The following IQCM variants were observed in gnomAD, a reference collection of about 807,000 sequenced individuals.
The protein encoded by IQCM is IQ domain-containing protein M.
IQCM carries 45 observed loss-of-function variants against 57.6 expected under a neutral mutation model. The observed-to-expected ratio is 0.78, with a 90% CI of 0.62 to 1.00. IQCM has a LOEUF of 1.00. Ranked by LOEUF, IQCM falls within the 50% of genes least tolerant of loss-of-function variation. IQCM has a pLI of 0.00. For synonymous variants in IQCM, 148 were observed against 158.9 expected (o/e 0.93, Z 0.51); for missense variants, 468 against 511.6 (o/e 0.91, Z 0.82).
At chr4:149,759,290 C>A (rs939666431) in intron 2 of IQCM, among the ~76,000 whole-genome samples, 5 of 152,084 alleles carry the variant, frequency 3.3e-5, no homozygotes, top group Non-Finnish European at 4.4e-5. Flanking sequence ...TAGAGCACAG[C>A]GGATTTTTAG....
At chr4:149,437,528 T>C (rs1735485059) in intron 12 of IQCM, among the ~76,000 whole-genome samples, 1 of 152,026 alleles carries the variant, frequency 6.6e-6, no homozygotes, top group East Asian at 1.9e-4. Flanking sequence ...TTATGCTTAA[T>C]ATTCAGGGTG....
rs73857754 is a variant in IQCM at position 149,760,049 on chromosome 4, G to A, written c.-48-17310C>T. On this transcript the variant is annotated intron_variant, in intron 2 of 13. Coordinates refer to ENST00000636793, the MANE Select transcript of IQCM (RefSeq NM_001363507.2). ...AAGGGAAGGGAAGGGAAGGAGGGAG[G>A]GACGGAGGAATATTAGGAAAAATGG... Among the ~76,000 whole-genome samples the A allele has an allele frequency of 9.3e-3, 1,382 of 148,296 alleles. 11 individuals are homozygous for A. Among genetic ancestry groups the A allele is most frequent in the African/African-American group, 0.031 (1,266 of 41,056 alleles).
Position 149,553,132 on chromosome 4 carries a change from G to A in IQCM, c.1093+11C>T, listed in dbSNP as rs570370214. On this transcript the variant is annotated intron_variant, in intron 11 of 13. Transcript: ENST00000636793. The stretch of plus-strand genomic sequence containing the variant: ...ACTTAAATTCAAACCAGAAGTGTCT[G>A]CATCACTTACATTTTTTTCGGTCCA... 22 of 1,231,342 alleles carry A rather than the reference G, an allele frequency of 1.8e-5. No individual in the cohort carries two copies. In the African/African-American group the frequency reaches 2.2e-4, roughly 12 times the overall value. 76.3% of individuals were successfully genotyped at this position (1,231,342 alleles called of 1,614,324 possible).
chr4:149,670,999 A>T (rs1761222673), intron 7 of IQCM, among the ~76,000 whole-genome samples: 1 of 150,578 alleles, frequency 6.6e-6, no homozygotes, highest in African/African-American at 2.4e-5. Flanking sequence ...TGCTGGCCTC[A>T]TAAAATGAGC....
chr4:149,565,620 T>A (rs900639785), intron 9 of IQCM, among the ~76,000 whole-genome samples: 6 of 152,190 alleles, frequency 3.9e-5, no homozygotes, highest in African/African-American at 4.8e-5. Flanking sequence ...TAAGAAATTT[T>A]CATAAGAAGA....
At chr4:149,774,378 C>G (rs1182359474) in intron 2 of IQCM, among the ~76,000 whole-genome samples, 1 of 152,106 alleles carries the variant, frequency 6.6e-6, no homozygotes, top group African/African-American at 2.4e-5. Flanking sequence ...AAACCTACAG[C>G]AGCAACATGC....
At chr4:149,539,119 A>G (rs1747594262) in intron 12 of IQCM, among the ~76,000 whole-genome samples, 6 of 152,190 alleles carry the variant, frequency 3.9e-5, no homozygotes, top group Admixed American at 3.9e-4. Flanking sequence ...TCTTCATAGT[A>G]ACATTATTCA....
chr4:149,586,889 C>A (rs1309981719), intron 9 of IQCM, among the ~76,000 whole-genome samples: 1 of 151,600 alleles, frequency 6.6e-6, no homozygotes, highest in Admixed American at 6.6e-5. Context: ...AGAGAAAAAT[C>A]TTTTTTTCTT....
intron 2 of IQCM, among the ~76,000 whole-genome samples, chr4:149,778,886 A>G (rs1190004333): frequency 6.6e-6 from 1 of 152,144 alleles, no homozygotes; most frequent in African/African-American, 2.4e-5. Context: ...CCAGACCTAG[A>G]CGGTTTCACT....
intron 5 of IQCM, among the ~76,000 whole-genome samples, chr4:149,714,596 T>A (rs545192909): frequency 6.6e-6 from 1 of 152,284 alleles, no homozygotes; most frequent in South Asian, 2.1e-4. Flanking sequence ...TAGTACCAAA[T>A]CCTATATGTA....
chr4:149,661,687 T>C (rs1760228063), intron 7 of IQCM, among the ~76,000 whole-genome samples: 1 of 152,162 alleles, frequency 6.6e-6, no homozygotes, highest in African/African-American at 2.4e-5. Flanking sequence ...TGGTAGGTTG[T>C]AAATGTCTAG....
chr4:149,460,631 T>C (rs1738171143), intron 12 of IQCM, among the ~76,000 whole-genome samples: 1 of 151,854 alleles, frequency 6.6e-6, no homozygotes, highest in African/African-American at 2.4e-5. Flanking sequence ...TAGTAATATT[T>C]TGAAAGAAGA....
In IQCM at chr4:149,633,191, A is replaced by AAGCAAAT. The variant is rs1278977491; in HGVS notation, c.566-11954_566-11948dup. Among the ~76,000 whole-genome samples, 4 of 150,268 alleles carry AAGCAAAT rather than the reference A, an allele frequency of 2.7e-5. No homozygotes were observed. In the East Asian group the frequency reaches 5.9e-4, roughly 22 times the overall value. ...TCAAAAAAAAAAAAAAAAAAAAAAA[A>AAGCAAAT]AGCAAATATCACACATAAATATAAG... On this transcript the variant is annotated intron_variant, in intron 7 of 13. Coordinates refer to ENST00000636793, the MANE Select transcript of IQCM (RefSeq NM_001363507.2).
chr4:149,540,362 A>G (rs1001378846), intron 12 of IQCM, among the ~76,000 whole-genome samples: 2 of 150,954 alleles, frequency 1.3e-5, no homozygotes, highest in Admixed American at 6.7e-5. Context: ...AATATTGCAG[A>G]TCATCTGAAC....
Position 149,486,819 on chromosome 4 carries a change from C to A in IQCM, c.1229-53262G>T, listed in dbSNP as rs192748276. Among the ~76,000 whole-genome samples the A allele has an allele frequency of 4.6e-5, 7 of 152,174 alleles. No homozygotes were observed. In the East Asian group the frequency reaches 1.4e-3, roughly 30 times the overall value. ...GTGAATGTTCCCAGGCCTGGGCTCA[C>A]CCTTCAGGGCAGTGGGCTCCCCTTT... On this transcript the variant is annotated intron_variant, in intron 12 of 13. Coordinates refer to ENST00000636793, the MANE Select transcript of IQCM (RefSeq NM_001363507.2).
rs528325882 is a variant in IQCM, at chr4:149,406,069, T to C, written c.1390+27327A>G. ...TTTGGAAGTTCACAAATCATTGTAA[T>C]AGCCAAGATTTTTTCACTCTCTTAA... On this transcript the variant is annotated intron_variant, in intron 13 of 13. Coordinates refer to ENST00000636793, the MANE Select transcript of IQCM (RefSeq NM_001363507.2). 4.6e-5 allele frequency among the ~76,000 whole-genome samples: 7 copies of C among 151,928 alleles called. No individual in the cohort carries two copies. The East Asian group carries it at 1.2e-3, about 25-fold the overall frequency.
At chr4:149,432,840 A>G (rs964596090) in intron 13 of IQCM, among the ~76,000 whole-genome samples, 1 of 152,058 alleles carries the variant, frequency 6.6e-6, no homozygotes, top group African/African-American at 2.4e-5. Context: ...CACTTCAACA[A>G]AGACATACAA....
intron 10 of IQCM, among the ~76,000 whole-genome samples, chr4:149,562,193 A>G (rs954197652): frequency 5.9e-5 from 9 of 152,192 alleles, no homozygotes; most frequent in Non-Finnish European, 1.3e-4. Context: ...TAAGGTAATA[A>G]TAGTGGAATT....
intron 10 of IQCM, among the ~76,000 whole-genome samples, chr4:149,558,886 C>T (rs1211698218): frequency 6.6e-6 from 1 of 152,212 alleles, no homozygotes; most frequent in East Asian, 1.9e-4. Flanking sequence ...GCTTCCCAGA[C>T]ATCTCAAGGA....
Sources: gnomAD v4.1 joint callset for allele counts (sites outside exome capture counted in the v4.1 genomes callset) on GRCh38, gnomAD v4.1.1 for gene constraint, MANE v1.5 for transcripts, NCBI Gene and HGNC (gene_info 2026-07-23, HGNC 2026-07-21) for gene names.